Variants in NFILZ observed in about 807,000 individuals in gnomAD.
NFILZ encodes NFIL3 like protein.
At chr19:8,646,489 G>A in intron 3 of NFILZ, among the ~76,000 whole-genome samples, 1 of 152,154 alleles carries the variant, frequency 6.6e-6, no homozygotes, top group Middle Eastern at 3.2e-3. Flanking sequence ...ACTTGCTTCT[G>A]TTTTTACACC....
At chr19:8,674,007 AT>A (rs1294336091) in intron 3 of NFILZ, among the ~76,000 whole-genome samples, 3 of 152,046 alleles carry the variant, frequency 2.0e-5, no homozygotes, top group African/African-American at 7.2e-5. Context: ...TGCCTGGCTA[AT>A]TTTTTGTATT....
intron 3 of NFILZ, among the ~76,000 whole-genome samples, chr19:8,640,047 G>T (rs1480724628): frequency 6.6e-6 from 1 of 152,116 alleles, no homozygotes; most frequent in East Asian, 1.9e-4. Context: ...TCTCTCCCAC[G>T]ACCTGTGGGA....
chr19:8,649,293 T>A (rs2042955172), intron 3 of NFILZ, among the ~76,000 whole-genome samples: 1 of 150,976 alleles, frequency 6.6e-6, no homozygotes, highest in African/African-American at 2.4e-5. Flanking sequence ...TGAGACAAAG[T>A]CTCGCTCTGT....
At chr19:8,633,081 T>A (rs1555745738) in intron 2 of NFILZ, among the ~76,000 whole-genome samples, 1 of 141,926 alleles carries the variant, frequency 7.0e-6, no homozygotes. Context: ...AGTGCAGTGG[T>A]GTAATCTTGG....
intron 3 of NFILZ, among the ~76,000 whole-genome samples, chr19:8,664,189 T>C (rs1235288091): frequency 6.6e-6 from 1 of 152,196 alleles, no homozygotes; most frequent in East Asian, 1.9e-4. Context: ...ATCTGTTATG[T>C]TGGTGAACAA....
intron 3 of NFILZ, among the ~76,000 whole-genome samples, chr19:8,656,309 CG>C (rs2042995167): frequency 1.1e-5 from 1 of 93,646 alleles, no homozygotes; most frequent in African/African-American, 3.1e-5. Flanking sequence ...CCTCCCGCAG[CG>C]CACCTCCTCC....
At chr19:8,657,354 G>A (rs1384314171) in intron 3 of NFILZ, among the ~76,000 whole-genome samples, 1 of 151,780 alleles carries the variant, frequency 6.6e-6, no homozygotes, top group Non-Finnish European at 1.5e-5. Context: ...CACCCGTCTC[G>A]GCCTCCCAAA....
At chr19:8,633,900 TTC>T (rs1568416463) in intron 2 of NFILZ, among the ~76,000 whole-genome samples, 62 of 142,830 alleles carry the variant, frequency 4.3e-4, no homozygotes, top group Non-Finnish European at 7.8e-4. Flanking sequence ...CCTTCCTTCC[TTC>T]CTTCCTTCCT....
At chr19:8,671,007 A>G (rs965954183) in intron 3 of NFILZ, among the ~76,000 whole-genome samples, 3 of 151,886 alleles carry the variant, frequency 2.0e-5, no homozygotes, top group Non-Finnish European at 4.4e-5. Context: ...AAAAAAAAAA[A>G]AAAAGATTTC....
At chr19:8,649,687 G>A (rs1203787972) in intron 3 of NFILZ, among the ~76,000 whole-genome samples, 1 of 152,158 alleles carries the variant, frequency 6.6e-6, no homozygotes, top group Non-Finnish European at 1.5e-5. Context: ...GGGCAGGGTG[G>A]GGAAAGCAGT....
At chr19:8,634,891 A>G (rs1270485223) in intron 2 of NFILZ, among the ~76,000 whole-genome samples, 1 of 147,958 alleles carries the variant, frequency 6.8e-6, no homozygotes, top group Non-Finnish European at 1.5e-5. Context: ...ACAAACAAAC[A>G]AACAAACAAA....
intron 3 of NFILZ, among the ~76,000 whole-genome samples, chr19:8,644,630 A>C (rs2042931349): frequency 6.6e-6 from 1 of 150,848 alleles, no homozygotes; most frequent in Admixed American, 6.6e-5. Context: ...CTGGCTATTA[A>C]AAGAATTTTT....
intron 3 of NFILZ, among the ~76,000 whole-genome samples, chr19:8,652,731 T>A (rs2042969508): frequency 6.6e-6 from 1 of 152,200 alleles, no homozygotes; most frequent in Non-Finnish European, 1.5e-5. Context: ...TATCAGACAT[T>A]AACCAAATTT....
chr19:8,651,312 C>T (rs1407560809), intron 3 of NFILZ, among the ~76,000 whole-genome samples: 1 of 151,986 alleles, frequency 6.6e-6, no homozygotes, highest in African/African-American at 2.4e-5. Context: ...CAGGTGCCCA[C>T]CACTAGGCCC....
At chr19:8,633,803 T>C (rs898486628) in intron 2 of NFILZ, among the ~76,000 whole-genome samples, 2 of 151,748 alleles carry the variant, frequency 1.3e-5, no homozygotes, top group Non-Finnish European at 2.9e-5. Context: ...GGACAGGAGG[T>C]TGTGGAAGGG....
rs1410236501 is a variant in NFILZ at position 8,635,634 on chromosome 19, A to C, written c.-260-16A>C. The stretch of plus-strand genomic sequence containing the variant: ...GGTATGGATGTGTCACCATGCATCC[A>C]TTCATTTGTTGACAGACACGTGAGT... On this transcript the variant is annotated splice_polypyrimidine_tract_variant and intron_variant, in intron 2 of 5. Coordinates refer to ENST00000691075, the MANE Select transcript of NFILZ (RefSeq NM_001378600.1). 1.3e-5 allele frequency: 2 copies of C among 152,172 alleles called. No individual in the cohort carries two copies. The highest frequency in any genetic ancestry group is 1.3e-4 in the Admixed American group (2 of 15,258). The allele number at this position is 152,172 out of a possible 1,614,324, so 9.4% of individuals were successfully genotyped here.
In NFILZ at chr19:8,656,285, CCCA is replaced by C. The variant is rs2042994072; in HGVS notation, c.-163-18264_-163-18262del. 2.8e-4 allele frequency among the ~76,000 whole-genome samples: 5 copies of C among 17,600 alleles called. 1 individual carries two copies. The South Asian group carries it at 7.0e-3, about 25-fold the overall frequency. 11.5% of individuals were successfully genotyped at this position (17,600 alleles called of 152,430 possible). Reference sequence around the variant, plus strand: ...TCTTCTCTCTGAAGCCCACCTTCTCCCCACAGCCCACCTCCTCCCGCAGCGCAC... The same window carrying C: ...TCTTCTCTCTGAAGCCCACCTTCTCCCAGCCCACCTCCTCCCGCAGCGCAC... On this transcript the variant is annotated intron_variant, in intron 3 of 5. Transcript: ENST00000691075.
intron 3 of NFILZ, among the ~76,000 whole-genome samples, chr19:8,640,676 C>T (rs2042915482): frequency 1.3e-5 from 2 of 152,314 alleles, no homozygotes; most frequent in Admixed American, 1.3e-4. Flanking sequence ...TTGCACCAGA[C>T]TTCTGGAAAA....
intron 3 of NFILZ, among the ~76,000 whole-genome samples, chr19:8,663,754 G>GTGTGTGTGTGTGTGTGTATGTGTGTGTA (rs2043047926): frequency 8.5e-6 from 1 of 117,542 alleles, no homozygotes; most frequent in East Asian, 2.2e-4. Context: ...GTGTGTGTGT[G>GTGTGTGTGTGTGTGTGTATGTGTGTGTA]TGTGTGTGTG....
Sources: allele counts gnomAD v4.1 joint callset (sites outside exome capture counted in the v4.1 genomes callset), GRCh38; gene constraint gnomAD v4.1.1; transcripts MANE v1.5; gene names NCBI Gene and HGNC (gene_info 2026-07-23, HGNC 2026-07-21).